Variants in GBE1 observed in about 807,000 individuals in gnomAD.
The protein encoded by GBE1 is 1,4-alpha-glucan-branching enzyme.
GBE1 carries 70 observed loss-of-function variants against 88.8 expected under a neutral mutation model. That is an observed-to-expected ratio of 0.79 (90% CI 0.65 to 0.96). The LOEUF is 0.96. Among genes scored for constraint, GBE1 ranks in the 40% least tolerant of loss-of-function variants. The probability of loss-of-function intolerance (pLI) is 0.00; values close to 1 mark genes in which losing one functional copy is unlikely to be tolerated. For synonymous variants in GBE1, 284 were observed against 300.1 expected (o/e 0.95, Z 0.56); for missense variants, 872 against 871.0 (o/e 1.00, Z -0.01).
intron 1 of GBE1, among the ~76,000 whole-genome samples, chr3:81,748,302 C>A (rs917476809): frequency 2.6e-5 from 4 of 152,136 alleles, no homozygotes; most frequent in African/African-American, 9.7e-5. Context: ...GCACTATATA[C>A]CTATTAGTTA....
chr3:81,752,440 G>A (rs1706543363), intron 1 of GBE1, among the ~76,000 whole-genome samples: 1 of 152,160 alleles, frequency 6.6e-6, no homozygotes, highest in Non-Finnish European at 1.5e-5. Context: ...CCCTGCAGCT[G>A]TTTGATGCCC....
At chr3:81,665,842 TC>T (rs1425457309) in intron 3 of GBE1, among the ~76,000 whole-genome samples, 1 of 152,162 alleles carries the variant, frequency 6.6e-6, no homozygotes, top group African/African-American at 2.4e-5. Flanking sequence ...AACATTTTGT[TC>T]TTCTAAGCAG....
intron 2 of GBE1, among the ~76,000 whole-genome samples, chr3:81,675,086 T>TCATA (rs1368949065): frequency 3.9e-5 from 6 of 151,982 alleles, no homozygotes; most frequent in African/African-American, 1.4e-4. Flanking sequence ...TCTAAAAAGG[T>TCATA]CATAGGTGAT....
At chr3:81,510,363 A>T (rs1459191500) in intron 14 of GBE1, among the ~76,000 whole-genome samples, 2 of 152,106 alleles carry the variant, frequency 1.3e-5, no homozygotes, top group African/African-American at 4.8e-5. Flanking sequence ...ACATATAGTT[A>T]ATGTATAGTC....
At chr3:81,676,270 G>A (rs915780359) in intron 2 of GBE1, among the ~76,000 whole-genome samples, 1 of 152,086 alleles carries the variant, frequency 6.6e-6, no homozygotes, top group Non-Finnish European at 1.5e-5. Context: ...CAGCTGTATA[G>A]TCTTGGAGCA....
In GBE1 at chr3:81,755,191, A is replaced by C. The variant is rs562497798; in HGVS notation, c.143+6184T>G. 3.9e-5 allele frequency among the ~76,000 whole-genome samples: 6 copies of C among 152,260 alleles called. No individual in the cohort carries two copies. The South Asian group carries it at 1.2e-3, about 32-fold the overall frequency. On this transcript the variant is annotated intron_variant, in intron 1 of 15. Coordinates refer to ENST00000429644, the MANE Select transcript of GBE1 (RefSeq NM_000158.4). ...GACATTTCTCAAAAGAAAACATATA[A>C]ATGGCCGACAGGTGTATGAAAAAAA...
intron 12 of GBE1, among the ~76,000 whole-genome samples, chr3:81,537,302 A>G (rs1703091215): frequency 6.6e-6 from 1 of 152,022 alleles, no homozygotes; most frequent in South Asian, 2.1e-4. Context: ...TCAGAAGCCC[A>G]GGGTCCAGCT....
chr3:81,522,261 T>C (rs554814442), intron 14 of GBE1, among the ~76,000 whole-genome samples: 7 of 151,574 alleles, frequency 4.6e-5, no homozygotes, highest in Non-Finnish European at 7.4e-5. Flanking sequence ...AACTAATGCG[T>C]TGATTTTAAG....
intron 12 of GBE1, among the ~76,000 whole-genome samples, chr3:81,565,257 C>T (rs539283415): frequency 6.6e-6 from 1 of 152,174 alleles, no homozygotes; most frequent in Non-Finnish European, 1.5e-5. Flanking sequence ...ATGTTACATT[C>T]AGCAAACTTG....
At chr3:81,719,389 G>A (rs1705989416) in intron 1 of GBE1, among the ~76,000 whole-genome samples, 1 of 151,716 alleles carries the variant, frequency 6.6e-6, no homozygotes, top group Admixed American at 6.6e-5. Flanking sequence ...ACTAATTTTT[G>A]TATTTTCAGT....
intron 11 of GBE1, 139 bp downstream of exon 11, chr3:81,581,024 TAC>T (rs199892746): frequency 4.7e-4 from 246 of 520,210 alleles, no homozygotes; most frequent in South Asian, 8.0e-4. Flanking sequence ...TATATATTAA[TAC>T]ACACACACAC....
intron 12 of GBE1, among the ~76,000 whole-genome samples, chr3:81,552,363 C>T (rs1405374387): frequency 6.6e-6 from 1 of 151,860 alleles, no homozygotes; most frequent in Non-Finnish European, 1.5e-5. Flanking sequence ...ACTAAAAATA[C>T]AAAAATTAGC....
At chr3:81,517,882 AGTCT>A (rs1328512939) in intron 14 of GBE1, among the ~76,000 whole-genome samples, 1 of 151,292 alleles carries the variant, frequency 6.6e-6, no homozygotes, top group Admixed American at 6.6e-5. Flanking sequence ...TCTGTCAGTC[AGTCT>A]ATCAGTTCAT....
At chr3:81,630,490 G>C (rs1188788642) in intron 7 of GBE1, among the ~76,000 whole-genome samples, 1 of 152,100 alleles carries the variant, frequency 6.6e-6, no homozygotes, top group Non-Finnish European at 1.5e-5. Flanking sequence ...GAGGCATCAC[G>C]CTACCTGACT....
intron 1 of GBE1, among the ~76,000 whole-genome samples, chr3:81,734,446 C>G (rs1033999028): frequency 2.6e-5 from 4 of 152,102 alleles, no homozygotes; most frequent in Non-Finnish European, 5.9e-5. Flanking sequence ...AGTGTTGAAT[C>G]AATATTTGAA....
intron 1 of GBE1, among the ~76,000 whole-genome samples, chr3:81,742,165 A>C (rs1706358288): frequency 6.6e-6 from 1 of 152,026 alleles, no homozygotes; most frequent in East Asian, 1.9e-4. Context: ...TCTCCTCTCA[A>C]GCCAAAAATT....
At chr3:81,591,274 G>T in intron 8 of GBE1, 110 bp from the exon 9 acceptor site, 1 of 804,318 alleles carries the variant, frequency 1.2e-6, no homozygotes, top group Non-Finnish European at 1.9e-6. Context: ...TATTGTAGCA[G>T]TTTAATAACA....
intron 7 of GBE1, among the ~76,000 whole-genome samples, chr3:81,606,907 T>C (rs529192955): frequency 2.6e-5 from 4 of 152,232 alleles, no homozygotes; most frequent in African/African-American, 9.6e-5. Flanking sequence ...ATAATAAATC[T>C]ATGCTGTAGA....
At chr3:81,605,484 G>A (rs1704091227) in intron 7 of GBE1, among the ~76,000 whole-genome samples, 3 of 152,062 alleles carry the variant, frequency 2.0e-5, no homozygotes, top group African/African-American at 4.8e-5. Context: ...ACATGGAAAC[G>A]CACATAACAG....
Sources: gnomAD v4.1 joint callset for allele counts (sites outside exome capture counted in the v4.1 genomes callset) on GRCh38, gnomAD v4.1.1 for gene constraint, MANE v1.5 for transcripts, NCBI Gene and HGNC (gene_info 2026-07-23, HGNC 2026-07-21) for gene names.